Variants in BCAR3 observed in about 807,000 individuals in gnomAD.
BCAR3 encodes BCAR3 adaptor protein, NSP family member, also known as breast cancer anti-estrogen resistance protein 3.
Under a neutral mutation model 80.1 loss-of-function variants are expected in BCAR3, and 37 were observed. The observed-to-expected ratio is 0.46, with a 90% CI of 0.36 to 0.61. The LOEUF (loss-of-function observed/expected upper bound fraction) is 0.61, where lower values mean the gene tolerates loss of function less well. Ranked by LOEUF, BCAR3 falls within the 20% of genes least tolerant of loss-of-function variation. The pLI is 0.00. For missense variants in BCAR3, 978 were observed against 1,068.2 expected, an observed-to-expected ratio of 0.92 and a Z score of 1.18; for synonymous variants, 389 against 418.9, an observed-to-expected ratio of 0.93 and a Z score of 0.87.
chr1:93,682,075 G>C (rs376062338), upstream of BCAR3, among the ~76,000 whole-genome samples: 25 of 152,110 alleles, frequency 1.6e-4, no homozygotes, highest in Admixed American at 1.4e-3. Context: ...AGACAGCCTC[G>C]TCGAATCCAC....
Position 93,612,639 on chromosome 1 carries a change from A to G in BCAR3, c.358-20246T>C, listed in dbSNP as rs1200484689. 3.9e-5 allele frequency among the ~76,000 whole-genome samples: 6 copies of G among 152,118 alleles called. No homozygotes were observed. The East Asian group carries it at 1.2e-3, about 29-fold the overall frequency. ...TGCACCATACCCTTTGGGACCTCCT[A>G]GTCTATCTTGGAAGCTTTAAAATAC... On this transcript the variant is annotated intron_variant, in intron 3 of 11. Coordinates refer to ENST00000260502, the MANE Select transcript of BCAR3 (RefSeq NM_003567.4).
At chr1:93,643,816 T>C (rs1280003968) in intron 2 of BCAR3, among the ~76,000 whole-genome samples, 3 of 151,794 alleles carry the variant, frequency 2.0e-5, no homozygotes, top group South Asian at 4.1e-4. Context: ...TGGATAACTA[T>C]GTGAGATGAT....
intron 3 of BCAR3, among the ~76,000 whole-genome samples, chr1:93,691,998 A>T (rs1649210172): frequency 6.6e-6 from 1 of 152,252 alleles, no homozygotes; most frequent in Non-Finnish European, 1.5e-5. Context: ...GAAAAATGCC[A>T]TGATGAAAAG....
intron 2 of BCAR3, among the ~76,000 whole-genome samples, chr1:93,736,333 G>A (rs1479761488): frequency 5.3e-5 from 8 of 152,122 alleles, no homozygotes; most frequent in African/African-American, 9.7e-5. Context: ...GATTACAAGC[G>A]CGTGCCACTG....
chr1:93,588,948 A>T (rs1402771627), intron 5 of BCAR3, 29 bp downstream of exon 5: 1 of 1,520,222 alleles, frequency 6.6e-7, no homozygotes, highest in South Asian at 1.3e-5. Context: ...GGCGCCCCTC[A>T]TAGTCCTGCA....
chr1:93,837,274 T>G (rs1007876769), intron 2 of BCAR3, among the ~76,000 whole-genome samples: 3 of 152,160 alleles, frequency 2.0e-5, no homozygotes, highest in Admixed American at 2.0e-4. Flanking sequence ...GAGGTATGTC[T>G]TTATAGCAAA....
rs554626904 is a variant in BCAR3 at position 93,738,543 on chromosome 1, C to T, written c.-62-32401G>A. ...GCACAGAGGTCCCGGCAGAGCTGAC[C>T]GCAGGTCGGAGATGAGTCTCCGCCT... is the stretch of plus-strand genomic sequence containing the variant. On this transcript the variant is annotated intron_variant, in intron 2 of 13. Transcript: ENST00000370244. 3.0e-4 allele frequency among the ~76,000 whole-genome samples: 46 copies of T among 152,330 alleles called. No individual in the cohort carries two copies. The South Asian group carries it at 5.4e-3, about 18-fold the overall frequency.
intron 7 of BCAR3, among the ~76,000 whole-genome samples, chr1:93,578,436 A>T (rs1444400153): frequency 2.0e-5 from 3 of 151,650 alleles, no homozygotes; most frequent in African/African-American, 7.3e-5. Flanking sequence ...CCCTAACCCC[A>T]TCTTCTTCCA....
At chr1:93,666,900 A>G (rs933725646) in intron 2 of BCAR3, among the ~76,000 whole-genome samples, 2 of 152,132 alleles carry the variant, frequency 1.3e-5, no homozygotes, top group African/African-American at 2.4e-5. Context: ...GCCGTCATTG[A>G]ACGTGATCTC....
At chr1:93,810,368 C>T (rs114629605) in intron 2 of BCAR3, among the ~76,000 whole-genome samples, 1,688 of 152,196 alleles carry the variant, frequency 0.011, 15 homozygotes, top group Non-Finnish European at 0.019. Context: ...CTTAAGTTTT[C>T]CCTTAGCACA....
At chr1:93,749,674 G>T (rs574104076) in intron 2 of BCAR3, among the ~76,000 whole-genome samples, 1 of 151,446 alleles carries the variant, frequency 6.6e-6, no homozygotes, top group African/African-American at 2.4e-5. Context: ...TTGCACAGGC[G>T]CCTTTACTAG....
chr1:93,692,675 TA>T (rs1180081099), intron 3 of BCAR3, among the ~76,000 whole-genome samples: 1 of 152,146 alleles, frequency 6.6e-6, no homozygotes, highest in Non-Finnish European at 1.5e-5. Flanking sequence ...TGGAGCTCCC[TA>T]AACTGGCCTC....
At chr1:93,846,583 C>T (rs867916411) in intron 1 of BCAR3, among the ~76,000 whole-genome samples, 1 of 152,104 alleles carries the variant, frequency 6.6e-6, no homozygotes, top group African/African-American at 2.4e-5. Context: ...TGGGCAGCGG[C>T]GCCAGGCCCG....
rs757112370 is a variant in BCAR3, at chr1:93,618,943, T to TG, written c.357+23360_357+23361insC. Among the ~76,000 whole-genome samples, 89 of 151,120 alleles carry TG rather than the reference T, an allele frequency of 5.9e-4. 1 individual carries two copies. Among genetic ancestry groups the TG allele is most frequent in the African/African-American group, 3.6e-4 (15 of 41,240 alleles). On this transcript the variant is annotated intron_variant, in intron 3 of 11. Transcript: ENST00000260502. ...CCGTGGGTTTTTTTTTTTTTTGTTTTTTTTTTTTTAATCTGAGACGGAATC... is the reference window on the plus strand; with the variant it reads ...CCGTGGGTTTTTTTTTTTTTTGTTTTGTTTTTTTTTAATCTGAGACGGAATC...
At chr1:93,665,299 G>A (rs965244023) in intron 2 of BCAR3, among the ~76,000 whole-genome samples, 3 of 151,942 alleles carry the variant, frequency 2.0e-5, no homozygotes, top group African/African-American at 7.3e-5. Flanking sequence ...AGGGAGGGTG[G>A]CCCTGAAAAC....
chr1:93,690,687 T>G (rs1301971962), intron 3 of BCAR3, among the ~76,000 whole-genome samples: 1 of 152,246 alleles, frequency 6.6e-6, no homozygotes, highest in Admixed American at 6.5e-5. Context: ...CTAGATCAGT[T>G]TCCCCATATG....
At chr1:93,823,346 T>C (rs1271254498) in intron 2 of BCAR3, among the ~76,000 whole-genome samples, 2 of 133,454 alleles carry the variant, frequency 1.5e-5, no homozygotes, top group African/African-American at 5.0e-5. Context: ...ATGGTGACAT[T>C]AGCATGTTAT....
At chr1:93,830,550 C>T (rs899985294) in intron 2 of BCAR3, among the ~76,000 whole-genome samples, 4 of 152,052 alleles carry the variant, frequency 2.6e-5, no homozygotes, top group East Asian at 1.9e-4. Flanking sequence ...TTCTGATCCC[C>T]GCCCCTGCCT....
At chr1:93,616,608 T>A (rs1207171512) in intron 3 of BCAR3, among the ~76,000 whole-genome samples, 1 of 152,242 alleles carries the variant, frequency 6.6e-6, no homozygotes, top group African/African-American at 2.4e-5. Flanking sequence ...ATAGATTTTT[T>A]AATGTCTTAT....
Sources: gnomAD v4.1 joint callset for allele counts (sites outside exome capture counted in the v4.1 genomes callset) on GRCh38, gnomAD v4.1.1 for gene constraint, MANE v1.5 for transcripts, NCBI Gene and HGNC (gene_info 2026-07-23, HGNC 2026-07-21) for gene names.